The following SYNPR variants were observed in gnomAD, a reference collection of about 807,000 sequenced individuals.
The protein encoded by SYNPR is synaptoporin.
Under a neutral mutation model 32.9 loss-of-function variants are expected in SYNPR, and 23 were observed. The ratio of observed to expected loss-of-function variants is 0.70; its 90% CI spans 0.50 to 0.99. The LOEUF is 0.99. SYNPR is among the 50% of genes least tolerant of loss of function. The pLI, the probability that SYNPR is intolerant of heterozygous loss-of-function variation, is 0.00. For missense variants in SYNPR, 318 were observed against 349.3 expected (o/e 0.91, Z 0.71); for synonymous variants, 146 against 135.9 (o/e 1.07, Z -0.52).
intron 2 of SYNPR, among the ~76,000 whole-genome samples, chr3:63,434,235 A>C (rs1700041537): frequency 6.6e-6 from 1 of 152,200 alleles, no homozygotes; most frequent in Non-Finnish European, 1.5e-5. Flanking sequence ...CAATTTGTTG[A>C]AAAGGAAAGA....
chr3:63,547,486 G>A (rs1702428550), intron 3 of SYNPR, among the ~76,000 whole-genome samples: 1 of 152,078 alleles, frequency 6.6e-6, no homozygotes, highest in Admixed American at 6.6e-5. Context: ...TGCCTTGTGA[G>A]GTGCTGGTGG....
intron 3 of SYNPR, among the ~76,000 whole-genome samples, chr3:63,518,822 C>A (rs1378895229): frequency 1.3e-5 from 2 of 152,248 alleles, no homozygotes; most frequent in Admixed American, 1.3e-4. Flanking sequence ...AATCCCATCA[C>A]TGAGTATATA....
chr3:63,610,176 T>C (rs1285357839), intron 5 of SYNPR, among the ~76,000 whole-genome samples: 1 of 152,216 alleles, frequency 6.6e-6, no homozygotes, highest in Non-Finnish European at 1.5e-5. Flanking sequence ...TCGGAAAAGC[T>C]GCACTGTATT....
At chr3:63,280,844 C>T (rs943197452) in intron 2 of SYNPR, among the ~76,000 whole-genome samples, 2 of 152,134 alleles carry the variant, frequency 1.3e-5, no homozygotes, top group Non-Finnish European at 2.9e-5. Flanking sequence ...CTCTCTCTTC[C>T]AGGATTCTAA....
intron 3 of SYNPR, among the ~76,000 whole-genome samples, chr3:63,490,978 G>T (rs986627532): frequency 6.6e-6 from 1 of 152,034 alleles, no homozygotes; most frequent in African/African-American, 2.4e-5. Flanking sequence ...TGGCAAGGCT[G>T]GTCTTGAACT....
chr3:63,546,626 T>C (rs910075254), intron 3 of SYNPR, among the ~76,000 whole-genome samples: 2 of 152,070 alleles, frequency 1.3e-5, no homozygotes, highest in Non-Finnish European at 2.9e-5. Flanking sequence ...GTGCTCGATA[T>C]TTATTATTAC....
chr3:63,556,085 G>T (rs899004715), intron 3 of SYNPR, among the ~76,000 whole-genome samples: 6 of 152,178 alleles, frequency 3.9e-5, no homozygotes, highest in African/African-American at 1.4e-4. Flanking sequence ...CTGGAGACAG[G>T]ACCATGTTTG....
chr3:63,425,731 A>T (rs1355412014), intron 2 of SYNPR, among the ~76,000 whole-genome samples: 1 of 151,812 alleles, frequency 6.6e-6, no homozygotes, highest in African/African-American at 2.4e-5. Context: ...TAAAAATAAC[A>T]CTTATTCATG....
chr3:63,336,108 C>A (rs997610209), intron 2 of SYNPR, among the ~76,000 whole-genome samples: 1 of 151,720 alleles, frequency 6.6e-6, no homozygotes, highest in Non-Finnish European at 1.5e-5. Flanking sequence ...TCTGACCATT[C>A]GAATGTGATT....
intron 4 of SYNPR, among the ~76,000 whole-genome samples, chr3:63,564,082 A>G (rs773787835): frequency 9.9e-5 from 15 of 151,994 alleles, no homozygotes; most frequent in Non-Finnish European, 2.1e-4. Context: ...ATTTGATGAT[A>G]AACATAATAT....
At chr3:63,283,397 A>C (rs1265083807) in intron 2 of SYNPR, among the ~76,000 whole-genome samples, 1 of 152,180 alleles carries the variant, frequency 6.6e-6, no homozygotes, top group African/African-American at 2.4e-5. Context: ...ATCTCTACTT[A>C]AATGAGGTCA....
chr3:63,329,092 A>C (rs1449071563), intron 2 of SYNPR, among the ~76,000 whole-genome samples: 1 of 152,172 alleles, frequency 6.6e-6, no homozygotes, highest in East Asian at 1.9e-4. Context: ...GCCAAGAAAA[A>C]CACACTTTCT....
At chr3:63,387,510 A>G (rs1380837405) in intron 2 of SYNPR, among the ~76,000 whole-genome samples, 1 of 152,212 alleles carries the variant, frequency 6.6e-6, no homozygotes, top group Admixed American at 6.5e-5. Flanking sequence ...TTATGATCCT[A>G]TGTGATTGAA....
At chr3:63,372,079 C>G (rs1000584385) in intron 2 of SYNPR, among the ~76,000 whole-genome samples, 2 of 152,124 alleles carry the variant, frequency 1.3e-5, no homozygotes, top group East Asian at 3.9e-4. Context: ...GGTAGAGGCT[C>G]TATGTTTCCC....
At chr3:63,561,100 G>T (rs192700170) in intron 4 of SYNPR, among the ~76,000 whole-genome samples, 112 of 152,292 alleles carry the variant, frequency 7.4e-4, no homozygotes, top group Admixed American at 2.2e-3. Flanking sequence ...AGCAGTTTAA[G>T]AAATCCGATA....
intron 5 of SYNPR, among the ~76,000 whole-genome samples, chr3:63,609,981 A>G (rs11712146): frequency 0.34 from 51,731 of 151,844 alleles, 8,836 homozygotes; most frequent in Middle Eastern, 0.43. Flanking sequence ...ATTTGAGGGC[A>G]TACAAGTTCC....
chr3:63,441,488 A>G (rs1236742437), intron 2 of SYNPR, among the ~76,000 whole-genome samples: 1 of 152,204 alleles, frequency 6.6e-6, no homozygotes, highest in East Asian at 1.9e-4. Flanking sequence ...TGTGGCCTTC[A>G]GCACAGAGAC....
chr3:63,570,890 C>G lies in SYNPR; in HGVS notation c.408+14149C>G, dbSNP rs752536706. Among the ~76,000 whole-genome samples the G allele has an allele frequency of 5.3e-5, 8 of 152,128 alleles. 1 individual carries two copies. The highest frequency in any genetic ancestry group is 5.9e-5 in the Non-Finnish European group (4 of 68,022). On this transcript the variant is annotated intron_variant, in intron 4 of 5. Transcript: ENST00000478300. ...TAATGATCTTCATCAAGGATAGGGT[C>G]TGAGTTTGCTCATCTACTCAACACA...
At chr3:63,320,401 C>T (rs1003945184) in intron 2 of SYNPR, among the ~76,000 whole-genome samples, 7 of 151,998 alleles carry the variant, frequency 4.6e-5, no homozygotes, top group African/African-American at 1.7e-4. Flanking sequence ...TGAAAACATT[C>T]CTATTCCTTC....
Sources: gnomAD v4.1 joint callset for allele counts (sites outside exome capture counted in the v4.1 genomes callset) on GRCh38, gnomAD v4.1.1 for gene constraint, MANE v1.5 for transcripts, NCBI Gene and HGNC (gene_info 2026-07-23, HGNC 2026-07-21) for gene names.